F9: variants seen among roughly 807,000 people sequenced by gnomAD.
F9 encodes the protein Christmas factor.
In F9, 2 loss-of-function variants were observed where a neutral mutation model predicts 34.1. That is an observed-to-expected ratio of 0.06 (90% CI 0.02 to 0.18). The LOEUF (loss-of-function observed/expected upper bound fraction) is 0.18. Among genes scored for constraint, F9 ranks in the 10% least tolerant of loss-of-function variants. The probability of loss-of-function intolerance (pLI) is 1.00; values close to 1 mark genes in which losing one functional copy is unlikely to be tolerated. For missense variants in F9, 216 were observed against 345.1 expected, an observed-to-expected ratio of 0.63 and a Z score of 2.96; for synonymous variants, 137 against 118.8, an observed-to-expected ratio of 1.15 and a Z score of -1.00.
At chrX:139,537,258 G>A (rs1281239632) in intron 2 of F9, 85 bp downstream of exon 2, 8 of 1,111,175 alleles carry the variant, frequency 7.2e-6, no homozygotes, top group Admixed American at 4.5e-5. Context: ...AAATTTTAAA[G>A]CATCCATATA....
intron 6 of F9, among the ~76,000 whole-genome samples, chrX:139,558,864 C>T (rs1928031070): frequency 8.9e-6 from 1 of 111,881 alleles, no homozygotes; most frequent in Non-Finnish European, 1.9e-5. Context: ...GCCCCCAGAT[C>T]TGCATTTTAT....
At chrX:139,555,149 T>C (rs1317522713) in intron 6 of F9, among the ~76,000 whole-genome samples, 2 of 112,168 alleles carry the variant, frequency 1.8e-5, no homozygotes, top group Non-Finnish European at 3.8e-5. Context: ...GGAGCAAATG[T>C]TGATTGAACA....
At chrX:139,555,244 A>G (rs1569331508) in intron 6 of F9, among the ~76,000 whole-genome samples, 1 of 112,479 alleles carries the variant, frequency 8.9e-6, no homozygotes, top group East Asian at 2.8e-4. Context: ...GGGAGAGGGC[A>G]TTTGTTCACC....
intron 4 of F9, among the ~76,000 whole-genome samples, chrX:139,543,389 T>C (rs1927647070): frequency 1.8e-5 from 2 of 111,688 alleles, no homozygotes. Flanking sequence ...TGGTCATTCC[T>C]GTCTCTTCTA....
chrX:139,539,738 G>A (rs966402178), intron 3 of F9, among the ~76,000 whole-genome samples: 1 of 112,248 alleles, frequency 8.9e-6, no homozygotes, highest in Non-Finnish European at 1.9e-5. Flanking sequence ...AGAGATAACC[G>A]ATTTTGTTTT....
At chrX:139,549,106 C>T (rs759118410) in intron 5 of F9, among the ~76,000 whole-genome samples, 1 of 111,643 alleles carries the variant, frequency 9.0e-6, no homozygotes, top group South Asian at 3.7e-4. Flanking sequence ...AGAACATCTC[C>T]ACTCCATGTT....
intron 4 of F9, among the ~76,000 whole-genome samples, chrX:139,546,532 T>C (rs1243005352): frequency 9.0e-6 from 1 of 111,524 alleles, no homozygotes; most frequent in Non-Finnish European, 1.9e-5. Context: ...GCTTTTTGTG[T>C]TCACTGAAAA....
intron 6 of F9, among the ~76,000 whole-genome samples, chrX:139,555,103 A>G (rs1927936183): frequency 8.9e-6 from 1 of 112,336 alleles, no homozygotes; most frequent in Non-Finnish European, 1.9e-5. Flanking sequence ...TCCAACCAAC[A>G]ACCACTGGGT....
chrX:139,550,886 A>C (rs1927824874), intron 5 of F9, among the ~76,000 whole-genome samples, 176 bp from the exon 6 acceptor site: 1 of 112,058 alleles, frequency 8.9e-6, no homozygotes, highest in Admixed American at 9.5e-5. Flanking sequence ...TGTCCATGAA[A>C]ATAACGCAAT....
At position 139,530,853 on chromosome X, in the gene F9, GT is replaced by G. The variant is rs1349652578; in HGVS notation, c.88+4del. 1.7e-6 allele frequency: 2 copies of G among 1,193,595 alleles called. No individual in the cohort carries two copies. Among genetic ancestry groups the G allele is most frequent in the Non-Finnish European group, 2.3e-6 (2 of 879,123 alleles). ...TATCTACTCAGTGCTGAATGTACAG[GT>G]TTGTTTCCTTTTTTAAAATACATTG... On this transcript the variant is annotated splice_donor_variant, in intron 1 of 7. Coordinates refer to ENST00000218099, the MANE Select transcript of F9 (RefSeq NM_000133.4). LOFTEE classifies it high-confidence loss of function.
intron 1 of F9, among the ~76,000 whole-genome samples, chrX:139,533,561 T>G (rs1026617901): frequency 8.9e-6 from 1 of 112,143 alleles, no homozygotes; most frequent in African/African-American, 3.2e-5. Flanking sequence ...TGACTATAGG[T>G]GAGTATTTGG....
At chrX:139,558,848 C>T (rs1928030506) in intron 6 of F9, among the ~76,000 whole-genome samples, 2 of 111,850 alleles carry the variant, frequency 1.8e-5, no homozygotes, top group African/African-American at 3.3e-5. Context: ...AATTAAGCTT[C>T]GATTAGCCCC....
chrX:139,549,945 C>G (rs1321095), intron 5 of F9, among the ~76,000 whole-genome samples: 1 of 111,730 alleles, frequency 9.0e-6, no homozygotes, highest in Non-Finnish European at 1.9e-5. Context: ...TGTCTCAAAG[C>G]TAGTCTACCT....
At chrX:139,542,888 T>A (rs958061191) in intron 4 of F9, among the ~76,000 whole-genome samples, 3 of 111,212 alleles carry the variant, frequency 2.7e-5, no homozygotes, top group African/African-American at 9.8e-5. Flanking sequence ...CCACCACTCC[T>A]GGCCTCTACA....
chrX:139,534,863 G>A (rs1029669464), intron 1 of F9, among the ~76,000 whole-genome samples: 42 of 111,399 alleles, frequency 3.8e-4, no homozygotes, highest in African/African-American at 1.3e-3. Flanking sequence ...GAGCAGAGAG[G>A]TGGGTGGAGG....
In F9 at chrX:139,532,264, G is replaced by C. The variant is rs1235225613; in HGVS notation, c.88+1412G>C. Reference sequence around the variant, plus strand: ...TAATAAGCCCTTGAGGAAGGGGCCAGGGGAATTTTTCTAAGGATAGACAGT... The same window carrying C: ...TAATAAGCCCTTGAGGAAGGGGCCACGGGAATTTTTCTAAGGATAGACAGT... On this transcript the variant is annotated intron_variant, in intron 1 of 7. Transcript: ENST00000218099. Among the ~76,000 whole-genome samples the C allele has an allele frequency of 2.7e-5, 3 of 111,660 alleles. No homozygotes were observed. The East Asian group carries it at 8.5e-4, about 32-fold the overall frequency.
At chrX:139,533,061 C>T in intron 1 of F9, among the ~76,000 whole-genome samples, 1 of 111,190 alleles carries the variant, frequency 9.0e-6, no homozygotes, top group East Asian at 2.8e-4. Context: ...GAGAGCAGTC[C>T]TGAGACTATT....
intron 6 of F9, among the ~76,000 whole-genome samples, chrX:139,554,271 C>G (rs1927917249): frequency 8.9e-6 from 1 of 112,291 alleles, no homozygotes; most frequent in Non-Finnish European, 1.9e-5. Context: ...ATCACTCATA[C>G]ATGCATGTGC....
chrX:139,535,929 C>A (rs1447095460), intron 1 of F9, among the ~76,000 whole-genome samples: 1 of 110,124 alleles, frequency 9.1e-6, no homozygotes, highest in Non-Finnish European at 1.9e-5. Flanking sequence ...TGCTCCTAGG[C>A]TCCTGGGCTG....
Sources: gnomAD v4.1 joint callset for allele counts (sites outside exome capture counted in the v4.1 genomes callset) on GRCh38, gnomAD v4.1.1 for gene constraint, MANE v1.5 for transcripts, NCBI Gene and HGNC (gene_info 2026-07-23, HGNC 2026-07-21) for gene names.